The following DSCAM variants were observed in gnomAD, a reference collection of about 807,000 sequenced individuals.
DSCAM encodes the protein cell adhesion molecule DSCAM.
DSCAM carries 47 observed loss-of-function variants against 217.7 expected under a neutral mutation model. The observed-to-expected ratio is 0.22, with a 90% CI of 0.17 to 0.28. The LOEUF (loss-of-function observed/expected upper bound fraction) is 0.28. Ranked by LOEUF, DSCAM falls within the 10% of genes least tolerant of loss-of-function variation. DSCAM has a pLI of 1.00. For missense variants in DSCAM, 2,080 were observed against 2,618.3 expected (o/e 0.79, Z 4.49); for synonymous variants, 1,056 against 1,015.3 (o/e 1.04, Z -0.76).
intron 11 of DSCAM, among the ~76,000 whole-genome samples, chr21:40,259,464 G>T (rs921609182): frequency 4.6e-5 from 7 of 151,918 alleles, no homozygotes; most frequent in Non-Finnish European, 4.4e-5. Flanking sequence ...GCTAGACAGG[G>T]ACTTCCCAGT....
chr21:40,442,023 A>C (rs2075634858), intron 3 of DSCAM, among the ~76,000 whole-genome samples: 1 of 152,172 alleles, frequency 6.6e-6, no homozygotes, highest in African/African-American at 2.4e-5. Flanking sequence ...TAGATTATAG[A>C]TCCAGAGGGT....
intron 3 of DSCAM, among the ~76,000 whole-genome samples, chr21:40,656,600 G>T (rs1022902727): frequency 6.6e-6 from 1 of 152,016 alleles, no homozygotes; most frequent in African/African-American, 2.4e-5. Context: ...TCATTTTTGT[G>T]CCTTCTCCAT....
chr21:40,293,880 T>TAGTA (rs1288286400), intron 10 of DSCAM, among the ~76,000 whole-genome samples: 1 of 152,126 alleles, frequency 6.6e-6, no homozygotes, highest in East Asian at 1.9e-4. Context: ...AAGACATACA[T>TAGTA]AGTATATTGT....
chr21:40,739,499 C>G (rs1292454366), intron 1 of DSCAM, among the ~76,000 whole-genome samples: 1 of 152,212 alleles, frequency 6.6e-6, no homozygotes, highest in Non-Finnish European at 1.5e-5. Flanking sequence ...TGGGGCCTCT[C>G]TCTTTCCTGT....
intron 1 of DSCAM, among the ~76,000 whole-genome samples, chr21:40,810,621 C>G (rs933194959): frequency 6.6e-6 from 1 of 152,186 alleles, no homozygotes; most frequent in Non-Finnish European, 1.5e-5. Context: ...ATTTTTGTAG[C>G]TGGATGTGGT....
intron 3 of DSCAM, among the ~76,000 whole-genome samples, chr21:40,588,484 G>T (rs559350000): frequency 6.6e-6 from 1 of 152,148 alleles, no homozygotes; most frequent in Non-Finnish European, 1.5e-5. Flanking sequence ...GTAAGTTTCA[G>T]CAAGTGGTGA....
chr21:40,788,798 A>G (rs764119924), intron 1 of DSCAM, among the ~76,000 whole-genome samples: 2 of 152,232 alleles, frequency 1.3e-5, no homozygotes, highest in East Asian at 3.9e-4. Flanking sequence ...TAAAGCCACA[A>G]TGCAACTTCT....
chr21:40,187,556 C>T (rs1157703336), intron 13 of DSCAM, among the ~76,000 whole-genome samples: 2 of 152,144 alleles, frequency 1.3e-5, no homozygotes, highest in East Asian at 3.9e-4. Flanking sequence ...AAATGTTAAA[C>T]TTCCCTTTCA....
chr21:40,802,970 G>T (rs992654017), intron 1 of DSCAM, among the ~76,000 whole-genome samples: 1 of 152,118 alleles, frequency 6.6e-6, no homozygotes, highest in African/African-American at 2.4e-5. Context: ...GACAGACAAG[G>T]TACCACTAAC....
intron 1 of DSCAM, among the ~76,000 whole-genome samples, chr21:40,801,214 A>G (rs1440409157): frequency 6.6e-6 from 1 of 152,166 alleles, no homozygotes; most frequent in Non-Finnish European, 1.5e-5. Flanking sequence ...GTCTGACACA[A>G]GGCATTTCTA....
intron 1 of DSCAM, among the ~76,000 whole-genome samples, chr21:40,819,374 G>C (rs951383186): frequency 1.3e-5 from 2 of 152,170 alleles, no homozygotes; most frequent in African/African-American, 2.4e-5. Flanking sequence ...CCAGACAGTG[G>C]GGGCAGTCTA....
At chr21:40,827,480 AAAAAAAG>A (rs1239513083) in intron 1 of DSCAM, among the ~76,000 whole-genome samples, 11 of 132,614 alleles carry the variant, frequency 8.3e-5, no homozygotes, top group Non-Finnish European at 1.1e-4. Flanking sequence ...AAAAAAAAAA[AAAAAAAG>A]AAAAGAAAGA....
At chr21:40,768,741 A>G (rs1190057659) in intron 1 of DSCAM, among the ~76,000 whole-genome samples, 1 of 152,210 alleles carries the variant, frequency 6.6e-6, no homozygotes, top group Non-Finnish European at 1.5e-5. Context: ...AGGTAAAAGC[A>G]GGCTTCCCAA....
At chr21:40,536,972 G>C (rs895788532) in intron 3 of DSCAM, among the ~76,000 whole-genome samples, 1 of 152,098 alleles carries the variant, frequency 6.6e-6, no homozygotes, top group African/African-American at 2.4e-5. Flanking sequence ...CTTAATAAAT[G>C]CTCCTAGAAC....
intron 1 of DSCAM, among the ~76,000 whole-genome samples, chr21:40,745,162 T>C (rs1009311231): frequency 2.0e-5 from 3 of 151,934 alleles, no homozygotes; most frequent in African/African-American, 7.2e-5. Flanking sequence ...AATTATGAGA[T>C]ACTATCAGGC....
At chr21:40,256,408 GAGAGAGAGAGAGAGAC>G (rs1342307637) in intron 11 of DSCAM, among the ~76,000 whole-genome samples, 4 of 151,208 alleles carry the variant, frequency 2.6e-5, no homozygotes, top group Non-Finnish European at 5.9e-5. Context: ...GACAGACAGA[GAGAGAGAGAGAGAGAC>G]AGAGAGAGAG....
chr21:40,795,550 C>T lies in DSCAM; in HGVS notation c.43+51069G>A, dbSNP rs370805027. Among the ~76,000 whole-genome samples, 8 of 152,178 alleles carry T rather than the reference C, an allele frequency of 5.3e-5. No individual in the cohort carries two copies. The East Asian group carries it at 1.5e-3, about 29-fold the overall frequency. On this transcript the variant is annotated intron_variant, in intron 1 of 32. Coordinates refer to ENST00000400454, the MANE Select transcript of DSCAM (RefSeq NM_001389.5). ...AGGGCGTCTATGAAGAGTGTACTCA[C>T]AAACTTTCATTAAATAGTAACCACA...
intron 11 of DSCAM, among the ~76,000 whole-genome samples, chr21:40,250,670 T>G (rs8134162): frequency 0.48 from 73,728 of 152,040 alleles, 18,410 homozygotes; most frequent in African/African-American, 0.59. Flanking sequence ...TTTCCTGAAG[T>G]GGCAGCGACA....
At chr21:40,766,127 G>T (rs558258268) in intron 1 of DSCAM, among the ~76,000 whole-genome samples, 1 of 152,052 alleles carries the variant, frequency 6.6e-6, no homozygotes. Context: ...TCTCAGCTCC[G>T]TCAACTAGCA....
Sources: allele counts gnomAD v4.1 joint callset (sites outside exome capture counted in the v4.1 genomes callset), GRCh38; gene constraint gnomAD v4.1.1; transcripts MANE v1.5; gene names NCBI Gene and HGNC (gene_info 2026-07-23, HGNC 2026-07-21).